The following ERBIN variants were observed in gnomAD, a reference collection of about 807,000 sequenced individuals.
ERBIN encodes densin-180-like protein.
ERBIN carries 60 observed loss-of-function variants against 158.4 expected under a neutral mutation model. The observed-to-expected ratio is 0.38, with a 90% CI of 0.31 to 0.47. The LOEUF is 0.47. Among genes scored for constraint, ERBIN ranks in the 20% least tolerant of loss-of-function variants. The pLI is 0.99. For missense variants in ERBIN, 1,610 were observed against 1,648.0 expected (o/e 0.98, Z 0.40); for synonymous variants, 594 against 557.2 (o/e 1.07, Z -0.93).
At chr5:66,064,728 G>T (rs932670454) in intron 21 of ERBIN, among the ~76,000 whole-genome samples, 15 of 152,150 alleles carry the variant, frequency 9.9e-5, no homozygotes, top group African/African-American at 3.6e-4. Flanking sequence ...CTTGAGCTGG[G>T]GTTTTGGCTC....
chr5:65,959,038 T>A (rs1266551354), intron 1 of ERBIN, among the ~76,000 whole-genome samples: 1 of 152,176 alleles, frequency 6.6e-6, no homozygotes, highest in Non-Finnish European at 1.5e-5. Context: ...TAAGGGTAAA[T>A]TTTTAAAAGT....
chr5:65,944,888 C>G (rs1403990589), intron 1 of ERBIN, among the ~76,000 whole-genome samples: 1 of 152,066 alleles, frequency 6.6e-6, no homozygotes, highest in African/African-American at 2.4e-5. Flanking sequence ...TTACTAGATA[C>G]ATGATTTGCA....
rs190154032 is a variant in ERBIN at position 66,060,060 on chromosome 5, G to A, written c.3633+5109G>A. Among the ~76,000 whole-genome samples the A allele has an allele frequency of 2.5e-4, 38 of 152,326 alleles. 1 individual carries two copies. The highest frequency in any genetic ancestry group is 8.9e-4 in the African/African-American group (37 of 41,566). On this transcript the variant is annotated intron_variant, in intron 21 of 25. Transcript: ENST00000284037. ...GGATGATGCTGGCCTCATAAAATGA[G>A]TTAGGGAGGATTCCCTCTTTTTCTG...
intron 24 of ERBIN, 48 bp from the exon 25 acceptor site, chr5:66,076,827 T>C (rs760579444): frequency 7.2e-7 from 1 of 1,394,854 alleles, no homozygotes; most frequent in Non-Finnish European, 1.0e-6. Flanking sequence ...GGTACTCTGT[T>C]ATTTATACAT....
chr5:66,060,319 A>G (rs1748875273), intron 21 of ERBIN, among the ~76,000 whole-genome samples: 1 of 152,068 alleles, frequency 6.6e-6, no homozygotes, highest in Non-Finnish European at 1.5e-5. Context: ...TTTCTAGTTT[A>G]TTTGCGTAGA....
At chr5:66,049,043 A>G (rs894293103) in intron 19 of ERBIN, among the ~76,000 whole-genome samples, 1 of 152,136 alleles carries the variant, frequency 6.6e-6, no homozygotes, top group East Asian at 1.9e-4. Flanking sequence ...CATTTCTGCC[A>G]CTTATCTGCT....
chr5:65,935,597 C>G (rs573240078), intron 1 of ERBIN, among the ~76,000 whole-genome samples: 7 of 152,280 alleles, frequency 4.6e-5, no homozygotes, highest in African/African-American at 1.7e-4. Context: ...CTTAGTAATT[C>G]TTGAGGCGAC....
intron 14 of ERBIN, among the ~76,000 whole-genome samples, chr5:66,034,189 T>G (rs1051639424): frequency 4.0e-5 from 6 of 151,820 alleles, no homozygotes; most frequent in African/African-American, 1.5e-4. Context: ...TGACAGGAAT[T>G]CTTAACCTGT....
Position 66,038,434 on chromosome 5 carries a change from A to G in ERBIN, c.1258A>G (p.Met420Val). 1.2e-6 allele frequency: 2 copies of G among 1,612,404 alleles called. No homozygotes were observed. Among genetic ancestry groups the G allele is most frequent in the Non-Finnish European group, 1.7e-6 (2 of 1,178,902 alleles). The stretch of plus-strand genomic sequence containing the variant: ...AGAAACTGATTCAGAGACCCAGAAA[A>G]TGGTGCTTACCAACTACATGTTCCC... ...QKETDSETQK[M>V]VLTNYMFPQQ... The change falls in exon 15 of 26, where the codon ATG (methionine) becomes GTG (valine). Residue 420 changes from methionine to valine, a missense_variant. Coordinates refer to ENST00000284037, the MANE Select transcript of ERBIN (RefSeq NM_001253697.2).
intron 21 of ERBIN, among the ~76,000 whole-genome samples, chr5:66,061,683 G>A (rs1479276434): frequency 5.6e-4 from 85 of 152,208 alleles, no homozygotes; most frequent in African/African-American, 1.3e-3. Flanking sequence ...GGCTGGTACC[G>A]GTTGTTCCTT....
chr5:66,075,518 TAGG>T (rs1459537067), intron 23 of ERBIN, among the ~76,000 whole-genome samples: 2 of 152,172 alleles, frequency 1.3e-5, no homozygotes, highest in Non-Finnish European at 2.9e-5. Flanking sequence ...AGAATATAAA[TAGG>T]AGACCATTAA....
At chr5:66,048,281 T>G (rs2151218913) in intron 18 of ERBIN, among the ~76,000 whole-genome samples, 1 of 152,126 alleles carries the variant, frequency 6.6e-6, no homozygotes, top group African/African-American at 2.4e-5. Flanking sequence ...CTAAGAAGTT[T>G]GAACTTAATG....
intron 15 of ERBIN, among the ~76,000 whole-genome samples, chr5:66,039,724 T>A (rs1757752818): frequency 6.6e-6 from 1 of 151,950 alleles, no homozygotes; most frequent in Non-Finnish European, 1.5e-5. Flanking sequence ...ACTTCCATAT[T>A]TTATTGTATT....
chr5:65,963,320 C>G (rs1450710061), intron 1 of ERBIN, among the ~76,000 whole-genome samples: 1 of 152,084 alleles, frequency 6.6e-6, no homozygotes, highest in Non-Finnish European at 1.5e-5. Flanking sequence ...AGGATACAAC[C>G]AAACAAATGG....
rs1299242385 is a variant in ERBIN, at chr5:66,018,527, T to TATATATTA, written c.534-2795_534-2794insATATATTA. ...TATATTATATATTATATAATATATA[T>TATATATTA]TATATTATATAATATATATTATATA... On this transcript the variant is annotated intron_variant, in intron 7 of 25. Coordinates refer to ENST00000284037, the MANE Select transcript of ERBIN (RefSeq NM_001253697.2). 5.2e-3 allele frequency among the ~76,000 whole-genome samples: 24 copies of TATATATTA among 4,574 alleles called. 6 individuals are homozygous for TATATATTA. The highest frequency in any genetic ancestry group is 0.01 in the Non-Finnish European group (23 of 2,222). The allele number at this position is 4,574 out of a possible 152,430, so 3.0% of individuals were successfully genotyped here. A position where few individuals can be genotyped will look rare whatever the true frequency, so the allele number is the denominator to read the frequency against.
intron 20 of ERBIN, among the ~76,000 whole-genome samples, chr5:66,052,192 G>C (rs1315081319): frequency 1.4e-5 from 2 of 147,578 alleles, no homozygotes; most frequent in Admixed American, 6.7e-5. Flanking sequence ...ATTGAGACCC[G>C]GTCTCAAAAA....
intron 4 of ERBIN, among the ~76,000 whole-genome samples, chr5:66,005,849 G>A (rs778839428): frequency 1.2e-4 from 19 of 152,128 alleles, no homozygotes; most frequent in Non-Finnish European, 2.4e-4. Context: ...GGACGTGAAG[G>A]ACCTCTTCAA....
At chr5:65,960,517 C>T (rs1747787113) in intron 1 of ERBIN, among the ~76,000 whole-genome samples, 1 of 152,140 alleles carries the variant, frequency 6.6e-6, no homozygotes, top group African/African-American at 2.4e-5. Flanking sequence ...TATGTCCTAC[C>T]TTCTAGAGAT....
rs1217658362 is a variant in ERBIN, at chr5:65,992,873, A to G, written c.155A>G (p.Tyr52Cys). The G allele has an allele frequency of 3.7e-6, 6 of 1,611,300 alleles. No individual in the cohort carries two copies. The highest frequency in any genetic ancestry group is 2.7e-5 in the African/African-American group (2 of 74,872). Residue 52 changes from tyrosine to cysteine, a missense_variant, in exon 3 of 26, where the codon TAT becomes TGT. Tyr to Cys is a radical substitution (Grantham distance 194). Coordinates refer to ENST00000284037, the MANE Select transcript of ERBIN (RefSeq NM_001253697.2). ...TTTGAAAAAACCTTGGAGGAACTCTATTTAGATGCTAATCAGATTGAAGAG... is the reference window on the plus strand; with the variant it reads ...TTTGAAAAAACCTTGGAGGAACTCTGTTTAGATGCTAATCAGATTGAAGAG... ...FTFEKTLEEL[Y>C]LDANQIEELP...
Sources: allele counts gnomAD v4.1 joint callset (sites outside exome capture counted in the v4.1 genomes callset), GRCh38; gene constraint gnomAD v4.1.1; transcripts MANE v1.5; gene names NCBI Gene and HGNC (gene_info 2026-07-23, HGNC 2026-07-21).